CCT3: variants seen among roughly 807,000 people sequenced by gnomAD.
The protein encoded by CCT3 is T-complex protein 1 subunit gamma.
Under a neutral mutation model 65.3 loss-of-function variants are expected in CCT3, and 10 were observed. The observed-to-expected ratio is 0.15, with a 90% CI of 0.09 to 0.26. The LOEUF is 0.26. CCT3 is among the 10% of genes least tolerant of loss of function. CCT3 has a pLI of 1.00. For missense variants in CCT3, 626 were observed against 708.7 expected (o/e 0.88, Z 1.33); for synonymous variants, 225 against 242.3 (o/e 0.93, Z 0.66).
chr1:156,328,952 C>A (rs140322781), intron 5 of CCT3, among the ~76,000 whole-genome samples: 2 of 152,192 alleles, frequency 1.3e-5, no homozygotes, highest in African/African-American at 4.8e-5. Context: ...AAGTGTCAAT[C>A]ATGTATATTG....
At chr1:156,315,723 G>T in intron 10 of CCT3, among the ~76,000 whole-genome samples, 1 of 151,974 alleles carries the variant, frequency 6.6e-6, no homozygotes, top group East Asian at 1.9e-4. Context: ...GTTGTTCAAG[G>T]GTCAACTGTA....
At chr1:156,309,563 A>G (rs2101624494) in intron 13 of CCT3, among the ~76,000 whole-genome samples, 2 of 151,994 alleles carry the variant, frequency 1.3e-5, no homozygotes, top group Admixed American at 1.3e-4. Context: ...AGCAGCTGGG[A>G]TTACAGGCCT....
intron 10 of CCT3, among the ~76,000 whole-genome samples, chr1:156,315,487 G>A (rs1406417619): frequency 6.6e-6 from 1 of 152,168 alleles, no homozygotes; most frequent in African/African-American, 2.4e-5. Context: ...GGGATTACAG[G>A]CATGAGCCAC....
chr1:156,338,247 G>C lies in CCT3; in HGVS notation c.-63C>G. 1.3e-6 allele frequency: 2 copies of C among 1,533,598 alleles called. No individual in the cohort carries two copies. Among genetic ancestry groups the C allele is most frequent in the Non-Finnish European group, 8.9e-7 (1 of 1,127,816 alleles). The allele number at this position is 1,533,598 out of a possible 1,614,324, so 95.0% of individuals were successfully genotyped here. A position where few individuals can be genotyped will look rare whatever the true frequency, so the allele number is the denominator to read the frequency against. On this transcript the variant is annotated 5_prime_UTR_variant, in exon 1 of 14. Coordinates refer to ENST00000295688, the MANE Select transcript of CCT3 (RefSeq NM_005998.5). ...GAACCGGCAGAACCTTCTGGAGAGA[G>C]AGAACCAGACAGAAGCCCAGAAAAC... is the stretch of plus-strand genomic sequence containing the variant.
At chr1:156,321,278 T>G (rs556708150) in intron 6 of CCT3, among the ~76,000 whole-genome samples, 1 of 152,240 alleles carries the variant, frequency 6.6e-6, no homozygotes, top group African/African-American at 2.4e-5. Flanking sequence ...ACAAAGATTA[T>G]AGTAAAATAA....
intron 5 of CCT3, among the ~76,000 whole-genome samples, chr1:156,329,002 A>C (rs556409559): frequency 6.6e-6 from 1 of 152,368 alleles, no homozygotes; most frequent in South Asian, 2.1e-4. Flanking sequence ...GTACCATTTA[A>C]TGTTTCAGCC....
At chr1:156,338,011 G>A (rs1353362278) in intron 1 of CCT3, 143 bp downstream of exon 1, 2 of 853,210 alleles carry the variant, frequency 2.3e-6, no homozygotes, top group Admixed American at 4.4e-5. Flanking sequence ...AGAGGAAAGC[G>A]GGACACTGGG....
Position 156,309,042 on chromosome 1 carries a change from G to A in CCT3, c.*157C>T, listed in dbSNP as rs1663956823. On this transcript the variant is annotated 3_prime_UTR_variant, in exon 14 of 14. Coordinates refer to ENST00000295688, the MANE Select transcript of CCT3 (RefSeq NM_005998.5). The stretch of plus-strand genomic sequence containing the variant: ...CAATAGAGAAGAATTACATGTCAGT[G>A]TCTTTTGGAAAACTGAGCTGGGACA... 1 of 611,276 alleles carries A rather than the reference G, an allele frequency of 1.6e-6. No individual in the cohort carries two copies. Among genetic ancestry groups the A allele is most frequent in the Non-Finnish European group, 2.9e-6 (1 of 341,326 alleles). The allele number at this position is 611,276 out of a possible 1,614,324, so 37.9% of individuals were successfully genotyped here.
At chr1:156,317,568 A>G in intron 8 of CCT3, 21 bp from the exon 9 acceptor site, 3 of 1,602,856 alleles carry the variant, frequency 1.9e-6, no homozygotes, top group Non-Finnish European at 2.6e-6. Context: ...AAGAAAAGAC[A>G]CTGATTTTAA....
At chr1:156,310,720 A>G (rs990513657) in intron 12 of CCT3, 31 bp from the exon 13 acceptor site, 1 of 1,611,580 alleles carries the variant, frequency 6.2e-7, no homozygotes, top group Non-Finnish European at 8.5e-7. Context: ...AAAGGGGAAA[A>G]TAAGTTAACA....
chr1:156,328,198 T>TGGG (rs565845931), intron 5 of CCT3, among the ~76,000 whole-genome samples: 1 of 98,858 alleles, frequency 1.0e-5, no homozygotes, highest in Non-Finnish European at 2.2e-5. Flanking sequence ...GGGAGGGAGG[T>TGGG]GGGGGGGGTC....
Position 156,333,614 on chromosome 1 carries a change from G to C in CCT3, c.237C>G (p.Ser79=). The C allele has an allele frequency of 6.2e-7, 1 of 1,613,972 alleles. No individual in the cohort carries two copies. Among genetic ancestry groups the C allele is most frequent in the Non-Finnish European group, 8.5e-7 (1 of 1,179,892 alleles). The change falls in exon 5 of 14, where the codon TCC becomes TCG. Residue 79 remains serine (S), a synonymous_variant. Transcript: ENST00000295688. The stretch of plus-strand genomic sequence containing the variant: ...CCTGGGTCCGGCTAATTTCGATCAT[G>C]GACTTGGCCGCTGGATGCTGGACTT... ...EIQVQHPAAK[S]MIEISRTQDE...
intron 13 of CCT3, 46 bp from the exon 14 acceptor site, chr1:156,309,349 GGACAC>G: frequency 1.5e-6 from 2 of 1,318,258 alleles, no homozygotes; most frequent in Non-Finnish European, 2.2e-6. Flanking sequence ...GAGAAGGAAA[GGACAC>G]TTTTCTTTCC....
At chr1:156,331,440 T>G (rs3001785) in intron 5 of CCT3, among the ~76,000 whole-genome samples, 2 of 152,064 alleles carry the variant, frequency 1.3e-5, no homozygotes, top group African/African-American at 4.8e-5. Context: ...CCCAGTACTT[T>G]GGAAGGCCGA....
chr1:156,326,706 C>T (rs1371058042), intron 5 of CCT3, among the ~76,000 whole-genome samples: 1 of 151,204 alleles, frequency 6.6e-6, no homozygotes, highest in Non-Finnish European at 1.5e-5. Flanking sequence ...AATTTACCCT[C>T]TGGATAAGGG....
At position 156,319,355 on chromosome 1, in the gene CCT3, A is replaced by T. The variant is rs567685188; in HGVS notation, c.610-338T>A. ...ATGGTCTCGATCTCCTGACCTCGTG[A>T]TCCGCCCGCCTCGGCCTCCCAAAGT... is the stretch of plus-strand genomic sequence containing the variant. On this transcript the variant is annotated intron_variant, in intron 7 of 13. Transcript: ENST00000295688. Among the ~76,000 whole-genome samples the T allele has an allele frequency of 3.3e-5, 5 of 151,920 alleles. No individual in the cohort carries two copies. In the South Asian group the frequency reaches 1.0e-3, roughly 32 times the overall value.
At chr1:156,322,261 C>T (rs1039675849) in intron 6 of CCT3, among the ~76,000 whole-genome samples, 2 of 152,020 alleles carry the variant, frequency 1.3e-5, no homozygotes, top group Non-Finnish European at 2.9e-5. Context: ...TTTTGGGAGG[C>T]CGAGGTGGTA....
At chr1:156,338,041 G>A (rs557982593) in intron 1 of CCT3, 113 bp downstream of exon 1, 1 of 1,168,772 alleles carries the variant, frequency 8.6e-7, no homozygotes, top group Admixed American at 2.0e-5. Context: ...TGAAGACGAT[G>A]ATTGGAAGGC....
In CCT3 at chr1:156,311,127, C is replaced by T. The variant is rs1236381246; in HGVS notation, c.1224G>A (p.Val408=). 1 of 1,613,954 alleles carries T rather than the reference C, an allele frequency of 6.2e-7. No individual in the cohort carries two copies. The highest frequency in any genetic ancestry group is 1.1e-5 in the South Asian group (1 of 91,078). The stretch of plus-strand genomic sequence containing the variant: ...CCATCTCGGAGGCCCCACCCCCTGG[C>T]ACCAGCTGAGGGTCCAGGAGAACAT... ...CRNVLLDPQL[V]PGGGASEMAV... Residue 408 remains valine, a synonymous_variant, in exon 12 of 14, where the codon GTG becomes GTA. Coordinates refer to ENST00000295688, the MANE Select transcript of CCT3 (RefSeq NM_005998.5).
Sources: allele counts gnomAD v4.1 joint callset (sites outside exome capture counted in the v4.1 genomes callset), GRCh38; gene constraint gnomAD v4.1.1; transcripts MANE v1.5; gene names NCBI Gene and HGNC (gene_info 2026-07-23, HGNC 2026-07-21).